The following PTPRZ1 variants were observed in gnomAD, a reference collection of about 807,000 sequenced individuals.
The protein encoded by PTPRZ1 is protein tyrosine phosphatase receptor type Z1.
Under a neutral mutation model 214.1 loss-of-function variants are expected in PTPRZ1, and 82 were observed. That is an observed-to-expected ratio of 0.38 (90% CI 0.32 to 0.46). PTPRZ1 has a LOEUF of 0.46. Among genes scored for constraint, PTPRZ1 ranks in the 20% least tolerant of loss-of-function variants. PTPRZ1 has a pLI of 1.00. For missense variants in PTPRZ1, 2,603 were observed against 2,748.7 expected, an observed-to-expected ratio of 0.95 and a Z score of 1.19; for synonymous variants, 945 against 987.9, an observed-to-expected ratio of 0.96 and a Z score of 0.81.
chr7:122,059,546 A>G (rs1434347316), intron 28 of PTPRZ1: 11 of 520,382 alleles, frequency 2.1e-5, no homozygotes, highest in Admixed American at 1.1e-4. Flanking sequence ...AAACTTCTGT[A>G]AAGTATTCCA....
intron 2 of PTPRZ1, among the ~76,000 whole-genome samples, chr7:121,934,747 A>G (rs907096256): frequency 6.6e-6 from 1 of 152,308 alleles, no homozygotes; most frequent in East Asian, 1.9e-4. Context: ...ATTTGCTTGA[A>G]TGGATATTAT....
chr7:121,937,449 C>G (rs983283937), intron 2 of PTPRZ1, among the ~76,000 whole-genome samples: 1 of 152,096 alleles, frequency 6.6e-6, no homozygotes, highest in Admixed American at 6.6e-5. Flanking sequence ...CTGGGGCCTT[C>G]CCCACCCAGA....
At chr7:122,048,714 C>T (rs2150486358) in intron 23 of PTPRZ1, among the ~76,000 whole-genome samples, 1 of 151,972 alleles carries the variant, frequency 6.6e-6, no homozygotes, top group South Asian at 2.1e-4. Flanking sequence ...TTTAACTAGG[C>T]CAATAGCCAT....
At chr7:121,968,252 A>G (rs1797104350) in intron 3 of PTPRZ1, 122 bp downstream of exon 3, 1 of 778,846 alleles carries the variant, frequency 1.3e-6, no homozygotes, top group East Asian at 3.1e-5. Context: ...TTACATGTAG[A>G]AGAAACCAAA....
chr7:122,046,692 G>T (rs1584775278), intron 23 of PTPRZ1, among the ~76,000 whole-genome samples: 1 of 152,108 alleles, frequency 6.6e-6, no homozygotes, highest in African/African-American at 2.4e-5. Context: ...AGAGGAGGTG[G>T]TACATGCTTG....
At chr7:122,048,619 C>T (rs1331164618) in intron 23 of PTPRZ1, among the ~76,000 whole-genome samples, 1 of 151,880 alleles carries the variant, frequency 6.6e-6, no homozygotes, top group African/African-American at 2.4e-5. Flanking sequence ...AAATATTACA[C>T]CTTTTATGTA....
chr7:121,897,418 T>G (rs933874590), intron 1 of PTPRZ1, among the ~76,000 whole-genome samples: 4 of 152,214 alleles, frequency 2.6e-5, no homozygotes, highest in African/African-American at 9.7e-5. Flanking sequence ...ATCTCAAGTT[T>G]TTTACATTGA....
chr7:121,924,963 T>G (rs1795712157), intron 1 of PTPRZ1, among the ~76,000 whole-genome samples: 2 of 152,208 alleles, frequency 1.3e-5, no homozygotes, highest in Non-Finnish European at 2.9e-5. Context: ...TTTGCACTAT[T>G]TTGTGTCTCT....
chr7:121,973,064 T>C (rs1208370129), intron 4 of PTPRZ1, among the ~76,000 whole-genome samples: 3 of 152,150 alleles, frequency 2.0e-5, no homozygotes, highest in Non-Finnish European at 2.9e-5. Flanking sequence ...AATGAGTGTG[T>C]AGTGAAATGT....
intron 2 of PTPRZ1, among the ~76,000 whole-genome samples, chr7:121,944,006 G>A (rs1280843408): frequency 6.6e-6 from 1 of 152,226 alleles, no homozygotes; most frequent in African/African-American, 2.4e-5. Flanking sequence ...TATTGCCTCA[G>A]TGTAACATGT....
chr7:122,049,597 C>T (rs569271780), intron 23 of PTPRZ1, among the ~76,000 whole-genome samples: 12 of 152,082 alleles, frequency 7.9e-5, no homozygotes, highest in Non-Finnish European at 1.5e-4. Context: ...AGACACTTAA[C>T]AAAATGTGCA....
At chr7:121,979,855 G>A (rs1332154510) in intron 6 of PTPRZ1, among the ~76,000 whole-genome samples, 32 of 152,012 alleles carry the variant, frequency 2.1e-4, no homozygotes, top group Admixed American at 2.1e-3. Context: ...ACAAACAAAG[G>A]AAAACACTGT....
intron 13 of PTPRZ1, among the ~76,000 whole-genome samples, chr7:122,027,785 T>TA (rs1241643517): frequency 2.6e-5 from 4 of 152,188 alleles, no homozygotes; most frequent in Non-Finnish European, 4.4e-5. Flanking sequence ...CGAATGAAAA[T>TA]AGATTCAGGT....
At chr7:121,995,237 G>A (rs575297662) in intron 8 of PTPRZ1, among the ~76,000 whole-genome samples, 4 of 152,268 alleles carry the variant, frequency 2.6e-5, no homozygotes, top group South Asian at 2.1e-4. Context: ...ATATTTTTGA[G>A]TCCTTGTAAT....
At chr7:122,052,291 AAG>A (rs1792210765) in intron 25 of PTPRZ1, among the ~76,000 whole-genome samples, 1 of 152,184 alleles carries the variant, frequency 6.6e-6, no homozygotes, top group Non-Finnish European at 1.5e-5. Flanking sequence ...GGCTTCAGCA[AAG>A]CCTAACCTCA....
At chr7:121,942,734 T>C (rs1332582978) in intron 2 of PTPRZ1, among the ~76,000 whole-genome samples, 1 of 152,216 alleles carries the variant, frequency 6.6e-6, no homozygotes, top group Non-Finnish European at 1.5e-5. Context: ...TTAATGATTT[T>C]GGAGTTATCA....
intron 2 of PTPRZ1, among the ~76,000 whole-genome samples, chr7:121,949,403 A>G (rs1376192017): frequency 2.6e-5 from 4 of 152,154 alleles, no homozygotes; most frequent in African/African-American, 9.7e-5. Context: ...TACCACGCAC[A>G]TATGAATTAC....
At chr7:122,019,358 A>C in intron 13 of PTPRZ1, 90 bp downstream of exon 13, 1 of 1,313,732 alleles carries the variant, frequency 7.6e-7, no homozygotes, top group Non-Finnish European at 1.1e-6. Context: ...GCATATTCAA[A>C]ATGTATTTTA....
At chr7:121,969,561 CAAAAAA>C (rs5887062) in intron 3 of PTPRZ1, among the ~76,000 whole-genome samples, 1 of 122,898 alleles carries the variant, frequency 8.1e-6, no homozygotes, top group East Asian at 2.4e-4. Flanking sequence ...AACTCTGTCT[CAAAAAA>C]AAAAAAAAAA....
Sources: gnomAD v4.1 joint callset for allele counts (sites outside exome capture counted in the v4.1 genomes callset) on GRCh38, gnomAD v4.1.1 for gene constraint, MANE v1.5 for transcripts, NCBI Gene and HGNC (gene_info 2026-07-23, HGNC 2026-07-21) for gene names.